The following PSD3 variants were observed in gnomAD, a reference collection of about 807,000 sequenced individuals.
The protein encoded by PSD3 is pleckstrin and Sec7 domain containing 3.
Under a neutral mutation model 105.5 loss-of-function variants are expected in PSD3, and 49 were observed. The ratio of observed to expected loss-of-function variants is 0.46; its 90% CI spans 0.37 to 0.59. The LOEUF (loss-of-function observed/expected upper bound fraction) is 0.59. PSD3 is among the 20% of genes least tolerant of loss of function. The pLI is 0.00. For missense variants in PSD3, 1,561 were observed against 1,263.8 expected (o/e 1.24, Z -3.57); for synonymous variants, 557 against 457.8 (o/e 1.22, Z -2.77).
At chr8:18,860,243 G>C (rs74528050) in intron 4 of PSD3, among the ~76,000 whole-genome samples, 13,336 of 152,036 alleles carry the variant, frequency 0.088, 723 homozygotes, top group African/African-American at 0.16. Context: ...ACGTTATATG[G>C]GCATGGTTTA....
intron 14 of PSD3, among the ~76,000 whole-genome samples, chr8:18,560,203 C>T (rs1039997594): frequency 1.3e-5 from 2 of 151,542 alleles, no homozygotes; most frequent in Non-Finnish European, 2.9e-5. Context: ...CACACACACA[C>T]ACACACAAAC....
At chr8:19,076,077 G>C (rs1412125371) in intron 1 of PSD3, among the ~76,000 whole-genome samples, 2 of 146,668 alleles carry the variant, frequency 1.4e-5, no homozygotes, top group East Asian at 4.1e-4. Context: ...AGTATAAAAA[G>C]ATAGGTTGTT....
chr8:18,578,069 T>C (rs987962408), intron 12 of PSD3, among the ~76,000 whole-genome samples: 2 of 152,148 alleles, frequency 1.3e-5, no homozygotes, highest in Non-Finnish European at 2.9e-5. Context: ...GGAGATGCTA[T>C]TCTACCATCT....
chr8:18,719,468 G>A (rs1221709889), intron 9 of PSD3, among the ~76,000 whole-genome samples: 1 of 152,088 alleles, frequency 6.6e-6, no homozygotes, highest in African/African-American at 2.4e-5. Context: ...TTTATTATGT[G>A]CTACTAGTCA....
chr8:18,578,574 T>A (rs934324980), intron 12 of PSD3, among the ~76,000 whole-genome samples: 1 of 152,084 alleles, frequency 6.6e-6, no homozygotes, highest in Admixed American at 6.6e-5. Flanking sequence ...CTGCTACAGG[T>A]GAATAGGAAA....
intron 8 of PSD3, among the ~76,000 whole-genome samples, chr8:18,782,830 T>G (rs1002972814): frequency 6.6e-6 from 1 of 152,164 alleles, no homozygotes; most frequent in African/African-American, 2.4e-5. Flanking sequence ...TCACCGAGCA[T>G]CCAAGTGGCA....
Position 18,528,489 on chromosome 8 carries a change from C to A in PSD3, c.*7254G>T, listed in dbSNP as rs959335020. ...TTGATACCTTGCCTCAGCAGGGTCA[C>A]GCTATCAGGACACCTGGATCCCTAA... is the stretch of plus-strand genomic sequence containing the variant. On this transcript the variant is annotated 3_prime_UTR_variant, in exon 16 of 16. Coordinates refer to ENST00000327040, the MANE Select transcript of PSD3 (RefSeq NM_015310.4). The A allele has an allele frequency of 2.0e-5, 3 of 152,216 alleles. No individual in the cohort carries two copies. Among genetic ancestry groups the A allele is most frequent in the Non-Finnish European group, 4.4e-5 (3 of 68,052 alleles). 9.4% of individuals were successfully genotyped at this position (152,216 alleles called of 1,614,324 possible).
At position 18,888,010 on chromosome 8, in the gene PSD3, C is replaced by T. The variant is rs527674426; in HGVS notation, c.131-15277G>A. Among the ~76,000 whole-genome samples the T allele has an allele frequency of 1.2e-3, 177 of 152,316 alleles. 1 individual carries two copies. Among genetic ancestry groups the T allele is most frequent in the African/African-American group, 3.8e-3 (160 of 41,582 alleles). ...GACTTGTCCAAGATCACACGGCTAACGCTGGCACAACCACGATTCAAACAC... is the reference window on the plus strand; with the variant it reads ...GACTTGTCCAAGATCACACGGCTAATGCTGGCACAACCACGATTCAAACAC... On this transcript the variant is annotated intron_variant, in intron 2 of 15. Transcript: ENST00000327040.
intron 9 of PSD3, among the ~76,000 whole-genome samples, chr8:18,764,471 A>T (rs769188686): frequency 9.9e-5 from 15 of 152,130 alleles, no homozygotes; most frequent in Non-Finnish European, 1.8e-4. Context: ...ATTTCTTGTA[A>T]TGTGCTGCAA....
chr8:19,056,313 G>A lies in PSD3; in HGVS notation c.324+27893C>T, dbSNP rs531318096. Among the ~76,000 whole-genome samples the A allele has an allele frequency of 3.9e-5, 6 of 152,250 alleles. No homozygotes were observed. In the East Asian group the frequency reaches 7.7e-4, roughly 20 times the overall value. On this transcript the variant is annotated intron_variant, in intron 1 of 1. Transcript: ENST00000521475. Reference sequence around the variant, plus strand: ...TGACCCTCCTATAACATAATTGATCGAGCCAGTCAGAAACTGGGTCTGAAT... The same window carrying A: ...TGACCCTCCTATAACATAATTGATCAAGCCAGTCAGAAACTGGGTCTGAAT...
chr8:18,599,599 G>A (rs556671743), intron 12 of PSD3, among the ~76,000 whole-genome samples: 20 of 152,244 alleles, frequency 1.3e-4, no homozygotes, highest in African/African-American at 4.1e-4. Flanking sequence ...TGAATAGTAC[G>A]AGACCCTATA....
chr8:18,573,726 G>A (rs73211722), intron 13 of PSD3, among the ~76,000 whole-genome samples: 13,092 of 152,158 alleles, frequency 0.086, 798 homozygotes, highest in African/African-American at 0.17. Flanking sequence ...TTTATATGAA[G>A]TGTCCAGAAA....
intron 1 of PSD3, among the ~76,000 whole-genome samples, chr8:19,060,521 C>G (rs1391599400): frequency 6.6e-6 from 1 of 152,146 alleles, no homozygotes; most frequent in Non-Finnish European, 1.5e-5. Flanking sequence ...GTAGTCCCAG[C>G]TACTCAGGAG....
chr8:18,711,481 T>C (rs922753728), intron 9 of PSD3, among the ~76,000 whole-genome samples: 1 of 152,124 alleles, frequency 6.6e-6, no homozygotes, highest in African/African-American at 2.4e-5. Flanking sequence ...GTCACAATCA[T>C]AGTTTTGACA....
chr8:18,833,428 G>C (rs753567), intron 4 of PSD3, among the ~76,000 whole-genome samples: 5,856 of 152,276 alleles, frequency 0.038, 120 homozygotes, highest in Admixed American at 0.068. Flanking sequence ...CCATTTATTA[G>C]AAAATAATCA....
At chr8:19,054,024 T>C (rs759428947) in intron 1 of PSD3, among the ~76,000 whole-genome samples, 1 of 152,240 alleles carries the variant, frequency 6.6e-6, no homozygotes, top group African/African-American at 2.4e-5. Context: ...CCTTTAAGTG[T>C]CTTCTCCTCT....
chr8:19,018,937 C>T (rs571732437), intron 1 of PSD3, among the ~76,000 whole-genome samples: 1 of 152,276 alleles, frequency 6.6e-6, no homozygotes, highest in South Asian at 2.1e-4. Context: ...GCTGGGACTA[C>T]AGGCGCACAC....
chr8:18,854,674 C>T (rs183453453), intron 4 of PSD3, among the ~76,000 whole-genome samples: 79 of 152,186 alleles, frequency 5.2e-4, no homozygotes, highest in Non-Finnish European at 9.4e-4. Flanking sequence ...CTGAAATAGA[C>T]AACAAAATAG....
chr8:18,910,108 G>A (rs1820107617), intron 2 of PSD3, among the ~76,000 whole-genome samples: 1 of 152,136 alleles, frequency 6.6e-6, no homozygotes, highest in Admixed American at 6.5e-5. Flanking sequence ...AAAGGAACTT[G>A]TATTGAAAAG....
Sources: gnomAD v4.1 joint callset for allele counts (sites outside exome capture counted in the v4.1 genomes callset) on GRCh38, gnomAD v4.1.1 for gene constraint, MANE v1.5 for transcripts, NCBI Gene and HGNC (gene_info 2026-07-23, HGNC 2026-07-21) for gene names.